Variants in RYR1 observed in about 807,000 individuals in gnomAD.
RYR1 encodes the protein central core disease of muscle.
RYR1 carries 342 observed loss-of-function variants against 583.5 expected under a neutral mutation model. The ratio of observed to expected loss-of-function variants is 0.59; its 90% CI spans 0.54 to 0.64. RYR1 has a LOEUF of 0.64. Ranked by LOEUF, RYR1 falls within the 30% of genes least tolerant of loss-of-function variation. The pLI is 0.00. For synonymous variants in RYR1, 2,791 were observed against 2,822.5 expected, an observed-to-expected ratio of 0.99 and a Z score of 0.35; for missense variants, 6,032 against 6,917.2, an observed-to-expected ratio of 0.87 and a Z score of 4.54.
chr19:38,561,539 G>A lies in RYR1; in HGVS notation c.12624+85G>A. 1 of 1,320,726 alleles carries A rather than the reference G, an allele frequency of 7.6e-7. No individual in the cohort carries two copies. Among genetic ancestry groups the A allele is most frequent in the Non-Finnish European group, 1.0e-6 (1 of 958,034 alleles). 81.8% of individuals were successfully genotyped at this position (1,320,726 alleles called of 1,614,324 possible). ...ACTTCCTGCACCCTCAGACCCCACGGGGGCTGTGCGTGCCTCGCATATCTG... is the reference window on the plus strand; with the variant it reads ...ACTTCCTGCACCCTCAGACCCCACGAGGGCTGTGCGTGCCTCGCATATCTG... On this transcript the variant is annotated intron_variant, in intron 90 of 105. Coordinates refer to ENST00000359596, the MANE Select transcript of RYR1 (RefSeq NM_000540.3). This position sits in a 1 kb window ranked among gnomAD's most constrained non-coding sequence, Gnocchi z 4.8.
intron 59 of RYR1, 37 bp from the exon 60 acceptor site, chr19:38,510,623 C>T (rs181929261): frequency 5.6e-6 from 9 of 1,614,186 alleles, no homozygotes; most frequent in Non-Finnish European, 6.8e-6. Flanking sequence ...CTCCCCACCC[C>T]TCATTGGACC....
intron 12 of RYR1, 112 bp downstream of exon 12, chr19:38,451,997 CAT>C (rs1300007120): frequency 1.4e-5 from 21 of 1,470,642 alleles, no homozygotes; most frequent in Non-Finnish European, 1.8e-5. Flanking sequence ...CCTTGTCTAA[CAT>C]ATACATGGGC....
At chr19:38,555,859 T>G (rs994312499) in intron 89 of RYR1, among the ~76,000 whole-genome samples, 1 of 152,170 alleles carries the variant, frequency 6.6e-6, no homozygotes, top group African/African-American at 2.4e-5. Context: ...ATATGTATAT[T>G]TTTAAATTTT....
At chr19:38,535,687 A>G (rs1235440141) in intron 81 of RYR1, 6 of 591,428 alleles carry the variant, frequency 1.0e-5, no homozygotes, top group East Asian at 2.9e-5. Context: ...GATGATCCCA[A>G]TTAATCTGCC....
rs1970784626 is a variant in RYR1 at position 38,512,659 on chromosome 19, A to T, written c.9472+176A>T. Among the ~76,000 whole-genome samples, 1 of 152,184 alleles carries T rather than the reference A, an allele frequency of 6.6e-6. No homozygotes were observed. The highest frequency in any genetic ancestry group is 2.4e-5 in the African/African-American group (1 of 41,444). On this transcript the variant is annotated intron_variant, in intron 63 of 105. Transcript: ENST00000359596. The surrounding 1 kb of genome is among the most constrained non-coding windows in gnomAD (Gnocchi z 5.1). ...GAGTTAATGAGGACGCGAGCTCAGCAGCTCTAACAAAAGACCCTAAGTGGA... is the reference window on the plus strand; with the variant it reads ...GAGTTAATGAGGACGCGAGCTCAGCTGCTCTAACAAAAGACCCTAAGTGGA...
intron 31 of RYR1, among the ~76,000 whole-genome samples, chr19:38,482,250 G>T (rs1338312831): frequency 1.3e-5 from 2 of 152,082 alleles, no homozygotes; most frequent in Admixed American, 6.6e-5. Context: ...TCTGGCTGGT[G>T]CATTCCTGTG....
intron 29 of RYR1, 94 bp from the exon 30 acceptor site, chr19:38,477,616 G>A (rs1262007203): frequency 6.7e-7 from 1 of 1,502,736 alleles, no homozygotes; most frequent in Non-Finnish European, 9.2e-7. Flanking sequence ...ACTCCCAGAG[G>A]ACCCAACAGT....
chr19:38,460,542 G>T lies in RYR1; in HGVS notation c.2528G>T (p.Arg843Leu), dbSNP rs144911352. Reference protein sequence around the residue: ...PRGPHLVGPSRCLSHTDFVPC... With the variant: ...PRGPHLVGPSLCLSHTDFVPC... ...GGGCCTCACCTGGTGGGCCCCAGTC[G>T]CTGCCTCTCACACACCGACTTCGTG... Residue 843 changes from arginine (R) to leucine (L), a missense_variant, in exon 20 of 106, where the codon CGC becomes CTC. Physicochemically the swap from Arg to Leu is moderately radical, Grantham distance 102. Transcript: ENST00000359596. 20 of 1,613,862 alleles carry T rather than the reference G, an allele frequency of 1.2e-5. No homozygotes were observed. Among genetic ancestry groups the T allele is most frequent in the Non-Finnish European group, 1.7e-5 (20 of 1,180,034 alleles).
chr19:38,538,090 C>T, intron 84 of RYR1, 130 bp downstream of exon 84: 1 of 848,600 alleles, frequency 1.2e-6, no homozygotes, highest in South Asian at 1.4e-5. Flanking sequence ...AGTGTCAATC[C>T]ACCTAGCTTT....
chr19:38,580,885 T>G lies in RYR1; in HGVS notation c.14646+381T>G, dbSNP rs1375324210. On this transcript the variant is annotated intron_variant, in intron 101 of 105. Transcript: ENST00000359596. ...TAGTACCTACAGTTTGGCAAGCTGA[T>G]GCATGCCAGGCACATTTTTTTTTTT... Among the ~76,000 whole-genome samples, 10 of 150,344 alleles carry G rather than the reference T, an allele frequency of 6.7e-5. No homozygotes were observed. In the East Asian group the frequency reaches 2.0e-3, roughly 29 times the overall value.
At position 38,455,315 on chromosome 19, in the gene RYR1, G is replaced by T. The variant is rs759459891; in HGVS notation, c.1521G>T (p.Gly507=). ...CTGCCCACTTTGCTGAGTTTGCAGG[G>T]GAGGAGGCAGCCGAGTCCTGGAAAG... The part of the protein sequence containing the change: ...TTAAHFAEFA[G]EEAAESWKEI... The change falls in exon 14 of 106, where the codon GGG becomes GGT. Residue 507 remains glycine (G), a synonymous_variant. Transcript: ENST00000359596. 2 of 1,614,116 alleles carry T rather than the reference G, an allele frequency of 1.2e-6. No individual in the cohort carries two copies. The highest frequency in any genetic ancestry group is 1.3e-5 in the African/African-American group (1 of 75,014).
At chr19:38,580,695 T>C (rs1438281658) in intron 101 of RYR1, among the ~76,000 whole-genome samples, 191 bp downstream of exon 101, 1 of 151,984 alleles carries the variant, frequency 6.6e-6, no homozygotes, top group East Asian at 1.9e-4. Flanking sequence ...ATCCTGTCTC[T>C]ATAAAAAAAA....
rs1970226398 is a variant in RYR1, at chr19:38,502,792, C to CAGGGACAGGGGGAGGGGG, written c.7835+69_7835+70insACAGGGGGAGGGGGAGGG. On this transcript the variant is annotated intron_variant, in intron 48 of 105. Transcript: ENST00000359596. ...GCAGGGGCAGGGGCAGGGGCAGGGGCAGGGGCAGGGGCAGGGGGAGGAGCA... is the reference window on the plus strand; with the variant it reads ...GCAGGGGCAGGGGCAGGGGCAGGGGCAGGGACAGGGGGAGGGGGAGGGGCAGGGGCAGGGGGAGGAGCA... 5.9e-6 allele frequency: 4 copies of CAGGGACAGGGGGAGGGGG among 679,030 alleles called. No homozygotes were observed. In the Admixed American group the frequency reaches 1.7e-4, roughly 28 times the overall value. The allele number at this position is 679,030 out of a possible 1,614,324, so 42.1% of individuals were successfully genotyped here. A position where few individuals can be genotyped will look rare whatever the true frequency, so the allele number is the denominator to read the frequency against.
At chr19:38,530,428 CTA>C (rs1469369613) in intron 76 of RYR1, among the ~76,000 whole-genome samples, 1 of 145,568 alleles carries the variant, frequency 6.9e-6, no homozygotes, top group East Asian at 2.0e-4. Flanking sequence ...CCATGCCTGG[CTA>C]TTTTTTTTTT....
At chr19:38,471,899 C>CA (rs35479919) in intron 27 of RYR1, among the ~76,000 whole-genome samples, 10,273 of 59,178 alleles carry the variant, frequency 0.17, 799 homozygotes, top group Middle Eastern at 0.21. Context: ...GACTCTGTCT[C>CA]AAAAAAAAAA....
rs1187615925 is a variant in RYR1, at chr19:38,444,576, G to A, written c.538-8G>A. 4 of 1,612,436 alleles carry A rather than the reference G, an allele frequency of 2.5e-6. 1 individual carries two copies. In the South Asian group the frequency reaches 4.4e-5, roughly 18 times the overall value. ...CGTCTCTGACTGCCGCATCCTGGTGGCCCCCAGCACCTGTCGACCGCCAGT... is the reference window on the plus strand; with the variant it reads ...CGTCTCTGACTGCCGCATCCTGGTGACCCCCAGCACCTGTCGACCGCCAGT... On this transcript the variant is annotated splice_polypyrimidine_tract_variant and splice_region_variant and intron_variant, in intron 6 of 105. Coordinates refer to ENST00000359596, the MANE Select transcript of RYR1 (RefSeq NM_000540.3). The surrounding 1 kb of genome is among the most constrained non-coding windows in gnomAD (Gnocchi z 5.1).
At chr19:38,527,940 A>C in intron 73 of RYR1, 156 bp downstream of exon 73, 3 of 633,650 alleles carry the variant, frequency 4.7e-6, no homozygotes, top group East Asian at 3.9e-5. Flanking sequence ...CTTAGAATGG[A>C]TCGGGGGAGG....
At chr19:38,468,223 C>G (rs749835554) in intron 25 of RYR1, among the ~76,000 whole-genome samples, 3 of 151,912 alleles carry the variant, frequency 2.0e-5, no homozygotes, top group Admixed American at 6.6e-5. Context: ...ATCCATCCAT[C>G]CATCCATCCA....
chr19:38,537,847 C>T lies in RYR1; in HGVS notation c.11609-33C>T, dbSNP rs1410600460. The T allele has an allele frequency of 6.9e-6, 11 of 1,602,940 alleles. No homozygotes were observed. In the South Asian group the frequency reaches 1.2e-4, roughly 18 times the overall value. ...GCGCTGTGTCTTGGCGCATCTGACC[C>T]CTCCTGGGCCCTGTCCCCTCCCTTC... On this transcript the variant is annotated intron_variant, in intron 83 of 105. Coordinates refer to ENST00000359596, the MANE Select transcript of RYR1 (RefSeq NM_000540.3).
Sources: gnomAD v4.1 joint callset for allele counts (sites outside exome capture counted in the v4.1 genomes callset) on GRCh38, gnomAD v4.1.1 for gene constraint, Gnocchi (gnomAD v3.1) non-coding constraint, MANE v1.5 for transcripts, NCBI Gene and HGNC (gene_info 2026-07-23, HGNC 2026-07-21) for gene names.